The following ZRANB3 variants were observed in gnomAD, a reference collection of about 807,000 sequenced individuals.
The protein encoded by ZRANB3 is zinc finger RANBP2-type containing 3.
ZRANB3 carries 125 observed loss-of-function variants against 133.8 expected under a neutral mutation model. The ratio of observed to expected loss-of-function variants is 0.93; its 90% CI spans 0.81 to 1.08. ZRANB3 has a LOEUF of 1.08. ZRANB3 is among the 50% of genes least tolerant of loss of function. ZRANB3 has a pLI of 0.00. For missense variants in ZRANB3, 1,229 were observed against 1,275.5 expected (o/e 0.96, Z 0.56); for synonymous variants, 387 against 432.7 (o/e 0.89, Z 1.31).
At chr2:135,203,982 G>C (rs1201202072) in intron 19 of ZRANB3, among the ~76,000 whole-genome samples, 1 of 152,224 alleles carries the variant, frequency 6.6e-6, no homozygotes, top group South Asian at 2.1e-4. Context: ...CGGCAATGCA[G>C]TTGTCTAAAT....
chr2:135,488,081 C>A (rs2104802439), intron 2 of ZRANB3, among the ~76,000 whole-genome samples: 2 of 152,198 alleles, frequency 1.3e-5, no homozygotes, highest in East Asian at 3.9e-4. Context: ...TATTAACTGA[C>A]CTAATTTCAA....
intron 2 of ZRANB3, among the ~76,000 whole-genome samples, chr2:135,492,649 G>A (rs1292211347): frequency 1.3e-5 from 2 of 152,042 alleles, no homozygotes; most frequent in African/African-American, 4.8e-5. Context: ...AATTTACAAT[G>A]TTCAATGAAA....
chr2:135,476,382 T>G (rs1196146972), intron 2 of ZRANB3, among the ~76,000 whole-genome samples: 1 of 152,198 alleles, frequency 6.6e-6, no homozygotes, highest in Non-Finnish European at 1.5e-5. Context: ...AAATTTACTT[T>G]TAAACATTCC....
chr2:135,212,123 C>T (rs1228349106), intron 17 of ZRANB3, among the ~76,000 whole-genome samples: 1 of 152,212 alleles, frequency 6.6e-6, no homozygotes, highest in African/African-American at 2.4e-5. Flanking sequence ...TATCTTTTCA[C>T]ATGTTTGCAC....
intron 2 of ZRANB3, among the ~76,000 whole-genome samples, chr2:135,429,524 T>TA (rs891590666): frequency 2.6e-5 from 4 of 151,950 alleles, no homozygotes; most frequent in African/African-American, 9.6e-5. Context: ...CCTAAAAGTT[T>TA]AAAAAAAATA....
intron 2 of ZRANB3, among the ~76,000 whole-genome samples, chr2:135,490,887 C>A (rs1574193150): frequency 6.6e-6 from 1 of 152,214 alleles, no homozygotes; most frequent in African/African-American, 2.4e-5. Context: ...AAGCCAAGCA[C>A]AGAAAGACAA....
intron 19 of ZRANB3, among the ~76,000 whole-genome samples, chr2:135,205,973 G>A (rs944170927): frequency 2.6e-5 from 4 of 152,092 alleles, no homozygotes; most frequent in African/African-American, 9.7e-5. Context: ...CAAAATAACT[G>A]AATGAGAATG....
chr2:135,270,238 G>C (rs1351974766), intron 10 of ZRANB3, among the ~76,000 whole-genome samples: 3 of 152,080 alleles, frequency 2.0e-5, no homozygotes, highest in Non-Finnish European at 2.9e-5. Context: ...TATTTAAGGA[G>C]AGACATCTTT....
chr2:135,223,054 C>T (rs1437347290), intron 15 of ZRANB3, among the ~76,000 whole-genome samples: 1 of 151,910 alleles, frequency 6.6e-6, no homozygotes, highest in East Asian at 2.0e-4. Flanking sequence ...GAGGTCGAGA[C>T]AAGCTTGGCC....
chr2:135,529,670 G>A (rs1210540670), intron 1 of ZRANB3, among the ~76,000 whole-genome samples: 1 of 151,608 alleles, frequency 6.6e-6, no homozygotes, highest in Non-Finnish European at 1.5e-5. Flanking sequence ...CACCACGTCC[G>A]GCTAATGTGT....
At chr2:135,414,086 C>G (rs555726651) in intron 2 of ZRANB3, among the ~76,000 whole-genome samples, 2 of 151,944 alleles carry the variant, frequency 1.3e-5, no homozygotes, top group East Asian at 1.9e-4. Context: ...ATGGCAGGAT[C>G]AAATTCACAC....
rs11889868 is a variant in ZRANB3, at chr2:135,294,808, G to A, written c.966+18681C>T. On this transcript the variant is annotated intron_variant, in intron 8 of 20. Coordinates refer to ENST00000264159, the MANE Select transcript of ZRANB3 (RefSeq NM_032143.4). ...TTTGGTATGTTGTGTCTTTGTTCTC[G>A]TTGGTTTCAAAGAACACCTTTACTT... 4.9e-3 allele frequency among the ~76,000 whole-genome samples: 740 copies of A among 152,098 alleles called. 5 individuals are homozygous for A. The highest frequency in any genetic ancestry group is 0.014 in the African/African-American group (593 of 41,498).
chr2:135,462,662 G>A (rs1690816141), intron 2 of ZRANB3, among the ~76,000 whole-genome samples: 2 of 147,342 alleles, frequency 1.4e-5, no homozygotes, highest in African/African-American at 2.5e-5. Flanking sequence ...GCACTATCTC[G>A]GCTCACTGCA....
rs148432760 is a variant in ZRANB3 at position 135,299,133 on chromosome 2, G to C, written c.966+14356C>G. Among the ~76,000 whole-genome samples, 397 of 152,218 alleles carry C rather than the reference G, an allele frequency of 2.6e-3. 1 individual carries two copies. Among genetic ancestry groups the C allele is most frequent in the African/African-American group, 8.7e-3 (361 of 41,540 alleles). ...GGTAGAGAAGACCATCAGGTCGCAG[G>C]GTTAGTTGTGTCTGAGCTCAGACTC... On this transcript the variant is annotated intron_variant, in intron 8 of 20. Coordinates refer to ENST00000264159, the MANE Select transcript of ZRANB3 (RefSeq NM_032143.4).
chr2:135,419,173 G>A (rs1053297620), intron 2 of ZRANB3, among the ~76,000 whole-genome samples: 4 of 151,444 alleles, frequency 2.6e-5, no homozygotes, highest in African/African-American at 4.8e-5. Context: ...TCCTGACCTC[G>A]TGATCCACCC....
chr2:135,426,505 G>T (rs916244237), intron 2 of ZRANB3, among the ~76,000 whole-genome samples: 1 of 151,988 alleles, frequency 6.6e-6, no homozygotes, highest in Non-Finnish European at 1.5e-5. Flanking sequence ...GATCAAGTAG[G>T]CTTTATCCTT....
intron 19 of ZRANB3, among the ~76,000 whole-genome samples, chr2:135,204,187 T>C (rs1263778954): frequency 6.6e-6 from 1 of 152,202 alleles, no homozygotes; most frequent in Non-Finnish European, 1.5e-5. Context: ...CTGACCTTTG[T>C]TACTGCCTGC....
chr2:135,297,588 A>G (rs1446857927), intron 8 of ZRANB3, among the ~76,000 whole-genome samples: 1 of 152,102 alleles, frequency 6.6e-6, no homozygotes, highest in African/African-American at 2.4e-5. Flanking sequence ...ACTGTCCTGC[A>G]CCCACTCTCC....
intron 12 of ZRANB3, among the ~76,000 whole-genome samples, chr2:135,233,570 G>A (rs562634790): frequency 6.6e-6 from 1 of 152,040 alleles, no homozygotes; most frequent in East Asian, 1.9e-4. Flanking sequence ...ACAAAGGGAA[G>A]CCCATCAGAC....
Sources: allele counts gnomAD v4.1 joint callset (sites outside exome capture counted in the v4.1 genomes callset), GRCh38; gene constraint gnomAD v4.1.1; transcripts MANE v1.5; gene names NCBI Gene and HGNC (gene_info 2026-07-23, HGNC 2026-07-21).